OAT: variants seen among roughly 807,000 people sequenced by gnomAD.
OAT encodes ornithine aminotransferase, mitochondrial.
A neutral mutation model predicts 48.4 loss-of-function variants in OAT; 35 were observed. That is an observed-to-expected ratio of 0.72 (90% CI 0.55 to 0.96). OAT has a LOEUF of 0.96. Among genes scored for constraint, OAT ranks in the 40% least tolerant of loss-of-function variants. The probability of loss-of-function intolerance (pLI) is 0.00; values close to 1 mark genes in which losing one functional copy is unlikely to be tolerated. For synonymous variants in OAT, 182 were observed against 198.4 expected (o/e 0.92, Z 0.70); for missense variants, 438 against 537.9 (o/e 0.81, Z 1.84).
intron 1 of OAT, among the ~76,000 whole-genome samples, chr10:124,416,866 TAAA>T (rs5788661): frequency 0.56 from 80,599 of 144,416 alleles, 22,488 homozygotes; most frequent in East Asian, 0.73. Flanking sequence ...TACAGGCCTT[TAAA>T]AAAAAAAAAA....
rs754867700 is a variant in OAT, at chr10:124,403,104, A to G, written c.772-49T>C. 7 of 1,604,048 alleles carry G rather than the reference A, an allele frequency of 4.4e-6. No homozygotes were observed. In the Admixed American group the frequency reaches 5.0e-5, roughly 11 times the overall value. On this transcript the variant is annotated intron_variant, in intron 6 of 9. Transcript: ENST00000368845. ...TATTAGTGATCACTTTCGTTTCCAC[A>G]GGGAAAATAGCCATCCTTATTTCAC...
chr10:124,403,244 T>G, intron 6 of OAT, 189 bp from the exon 7 acceptor site: 1 of 668,586 alleles, frequency 1.5e-6, no homozygotes, highest in East Asian at 2.7e-5. Context: ...ACTCACCAAC[T>G]ATTTCCTTTG....
intron 4 of OAT, 124 bp from the exon 5 acceptor site, chr10:124,405,687 TTCGG>T: frequency 6.5e-7 from 1 of 1,527,022 alleles, no homozygotes; most frequent in Non-Finnish European, 8.8e-7. Flanking sequence ...TTAGTGCACC[TTCGG>T]TGGGCTTTCA....
intron 4 of OAT, among the ~76,000 whole-genome samples, chr10:124,406,633 T>G (rs1243757392): frequency 6.6e-6 from 1 of 151,802 alleles, no homozygotes; most frequent in Non-Finnish European, 1.5e-5. Context: ...CTGGTTAACA[T>G]GGCAAAACCC....
Position 124,403,823 on chromosome 10 carries a change from A to C in OAT, c.746T>G (p.Val249Gly). ...VVPDPGYLMG[V>G]RELCTRHQVL... Reference sequence around the variant, plus strand: ...CTGGTGCCTGGTGCAGAGCTCTCGCACTCCCATTAGGTAACCTGGATCCGG... The same window carrying C: ...CTGGTGCCTGGTGCAGAGCTCTCGCCCTCCCATTAGGTAACCTGGATCCGG... The change falls in exon 6 of 10, where the codon GTG becomes GGG. Residue 249 changes from valine (V) to glycine (G), a missense_variant. Val to Gly is a moderately radical substitution (Grantham distance 109, BLOSUM62 -3). Transcript: ENST00000368845. 6.2e-7 allele frequency: 1 copy of C among 1,614,076 alleles called. No homozygotes were observed. Among genetic ancestry groups the C allele is most frequent in the South Asian group, 1.1e-5 (1 of 91,076 alleles).
chr10:124,399,005 C>T (rs1951318247), intron 9 of OAT, among the ~76,000 whole-genome samples: 1 of 151,674 alleles, frequency 6.6e-6, no homozygotes, highest in Non-Finnish European at 1.5e-5. Context: ...GACAGACACT[C>T]CAGCCCAACA....
chr10:124,401,917 T>C, intron 7 of OAT, 78 bp from the exon 8 acceptor site: 1 of 1,082,786 alleles, frequency 9.2e-7, no homozygotes, highest in South Asian at 1.3e-5. Flanking sequence ...AGAGTCTCGC[T>C]GTCACCCAGG....
intron 9 of OAT, among the ~76,000 whole-genome samples, chr10:124,399,084 C>T (rs1951321392): frequency 6.6e-6 from 1 of 151,706 alleles, no homozygotes; most frequent in Non-Finnish European, 1.5e-5. Context: ...AAAAAAAGAA[C>T]TTGGGTATGA....
Position 124,397,949 on chromosome 10 carries a change from G to A in OAT, c.1313C>T (p.Ser438Phe). ...GAAAACAGCTGGCTACCCTCAGAAA[G>A]ACAAGATGGTCTTGTTAATAATTTC... ...SIEIINKTIL[S>F]F The change falls in exon 10 of 10, where the codon TCT (serine) becomes TTT (phenylalanine). Residue 438 changes from serine (S) to phenylalanine (F), a missense_variant. Ser to Phe is a radical substitution (Grantham distance 155, BLOSUM62 -2). Coordinates refer to ENST00000368845, the MANE Select transcript of OAT (RefSeq NM_000274.4). 1 of 1,613,758 alleles carries A rather than the reference G, an allele frequency of 6.2e-7. No homozygotes were observed. Among genetic ancestry groups the A allele is most frequent in the South Asian group, 1.1e-5 (1 of 91,070 alleles).
chr10:124,415,557 T>C (rs1158964532), intron 1 of OAT, among the ~76,000 whole-genome samples: 1 of 152,234 alleles, frequency 6.6e-6, no homozygotes, highest in Non-Finnish European at 1.5e-5. Context: ...GTGTTCAAGT[T>C]ACTGTGCTTG....
intron 1 of OAT, chr10:124,414,870 G>A (rs1951871108): frequency 6.6e-6 from 1 of 151,962 alleles, no homozygotes; most frequent in Admixed American, 6.6e-5. Context: ...TTGAGCCCAG[G>A]AGTTAAAGAT....
chr10:124,418,851 G>A, intron 1 of OAT, 22 bp downstream of exon 1: 1 of 152,356 alleles, frequency 6.6e-6, no homozygotes, highest in Non-Finnish European at 1.5e-5. Context: ...AGAGCCCCAG[G>A]ACAGCGGCGC....
chr10:124,416,650 A>G (rs778327411), intron 1 of OAT, among the ~76,000 whole-genome samples: 1 of 152,294 alleles, frequency 6.6e-6, no homozygotes, highest in East Asian at 1.9e-4. Flanking sequence ...ATCCATCTAC[A>G]TTAGAACATA....
intron 2 of OAT, among the ~76,000 whole-genome samples, chr10:124,410,626 C>A (rs887331593): frequency 6.6e-6 from 1 of 151,984 alleles, no homozygotes; most frequent in African/African-American, 2.4e-5. Context: ...GGCAACATAG[C>A]AAAATCTAAT....
chr10:124,404,369 G>C (rs1297467048), intron 5 of OAT, among the ~76,000 whole-genome samples: 1 of 151,828 alleles, frequency 6.6e-6, no homozygotes, highest in Non-Finnish European at 1.5e-5. Flanking sequence ...CTGGGTTCCA[G>C]CAATTCTCCT....
In OAT at chr10:124,397,847, T is replaced by C; in HGVS notation, c.*95A>G. 2 of 1,478,540 alleles carry C rather than the reference T, an allele frequency of 1.4e-6. No homozygotes were observed. The highest frequency in any genetic ancestry group is 4.5e-5 in the East Asian group (2 of 44,176). 91.6% of individuals were successfully genotyped at this position (1,478,540 alleles called of 1,614,324 possible). A position where few individuals can be genotyped will look rare whatever the true frequency, so the allele number is the denominator to read the frequency against. ...CAAAAAAAAAGTTTTTGAAGACTCA[T>C]GGGAGTGGAATGTGCCCACATTAGG... On this transcript the variant is annotated 3_prime_UTR_variant, in exon 10 of 10. Transcript: ENST00000368845.
At chr10:124,405,707 T>C (rs747963647) in intron 4 of OAT, 144 bp from the exon 5 acceptor site, 221 of 1,498,282 alleles carry the variant, frequency 1.5e-4, no homozygotes, top group East Asian at 3.6e-4. Context: ...TTTCAATTGT[T>C]AAAACAAAGT....
At chr10:124,412,532 G>C (rs566558817) in intron 1 of OAT, among the ~76,000 whole-genome samples, 2 of 152,132 alleles carry the variant, frequency 1.3e-5, no homozygotes, top group South Asian at 2.1e-4. Flanking sequence ...ATGGCCAGGC[G>C]TGATAGCTCA....
At chr10:124,409,315 A>G (rs1951686268) in intron 2 of OAT, among the ~76,000 whole-genome samples, 2 of 152,240 alleles carry the variant, frequency 1.3e-5, no homozygotes, top group Non-Finnish European at 2.9e-5. Flanking sequence ...CTGTAATCCT[A>G]GCACTTTGGG....
Sources: gnomAD v4.1 joint callset for allele counts (sites outside exome capture counted in the v4.1 genomes callset) on GRCh38, gnomAD v4.1.1 for gene constraint, MANE v1.5 for transcripts, NCBI Gene and HGNC (gene_info 2026-07-23, HGNC 2026-07-21) for gene names.